Variants in CABCOCO1 observed in about 807,000 individuals in gnomAD.
CABCOCO1 encodes the protein ciliary associated calcium binding coiled-coil 1, also known as ciliary-associated calcium-binding coiled-coil protein 1.
Under a neutral mutation model 35.7 loss-of-function variants are expected in CABCOCO1, and 28 were observed. That is an observed-to-expected ratio of 0.78 (90% CI 0.58 to 1.07). The LOEUF (loss-of-function observed/expected upper bound fraction) is 1.07, where lower values mean the gene tolerates loss of function less well. Among genes scored for constraint, CABCOCO1 ranks in the 50% least tolerant of loss-of-function variants. CABCOCO1 has a pLI of 0.00. For missense variants in CABCOCO1, 326 were observed against 309.2 expected (o/e 1.05, Z -0.41); for synonymous variants, 95 against 100.1 (o/e 0.95, Z 0.30).
chr10:61,747,399 A>G (rs539725305), intron 5 of CABCOCO1, among the ~76,000 whole-genome samples: 2 of 152,320 alleles, frequency 1.3e-5, no homozygotes, highest in East Asian at 1.9e-4. Context: ...CTGTTCTTCA[A>G]AACATACCTT....
At chr10:61,681,336 A>T (rs1589117689) in intron 3 of CABCOCO1, 24 bp downstream of exon 3, 1 of 1,462,920 alleles carries the variant, frequency 6.8e-7, no homozygotes, top group Admixed American at 2.2e-5. Context: ...TTTCCTTTGA[A>T]GTAAAACAAA....
chr10:61,703,871 T>C (rs774277101), intron 5 of CABCOCO1, among the ~76,000 whole-genome samples: 8 of 152,130 alleles, frequency 5.3e-5, no homozygotes, highest in Non-Finnish European at 8.8e-5. Flanking sequence ...ACATAGGGCA[T>C]CACACAGAGA....
Position 61,686,537 on chromosome 10 carries a change from T to C in CABCOCO1, c.479+352T>C, listed in dbSNP as rs570940402. Among the ~76,000 whole-genome samples, 16 of 152,310 alleles carry C rather than the reference T, an allele frequency of 1.1e-4. No individual in the cohort carries two copies. In the South Asian group the frequency reaches 3.1e-3, roughly 30 times the overall value. On this transcript the variant is annotated intron_variant, in intron 4 of 7. Transcript: ENST00000648843. ...AATAGGATGATTCACATTAATCAGCTGCAATTATAATAGACTCTATGTTTT... is the reference window on the plus strand; with the variant it reads ...AATAGGATGATTCACATTAATCAGCCGCAATTATAATAGACTCTATGTTTT...
intron 4 of CABCOCO1, among the ~76,000 whole-genome samples, chr10:61,688,255 C>T (rs1371980124): frequency 6.6e-6 from 1 of 152,094 alleles, no homozygotes; most frequent in Admixed American, 6.6e-5. Flanking sequence ...ACCCAGTTAT[C>T]AAAAGTATAA....
At chr10:61,736,897 T>C (rs1841429017) in intron 5 of CABCOCO1, among the ~76,000 whole-genome samples, 1 of 152,132 alleles carries the variant, frequency 6.6e-6, no homozygotes, top group Non-Finnish European at 1.5e-5. Context: ...TATTGTTTTT[T>C]TGTGGCTGTT....
intron 5 of CABCOCO1, among the ~76,000 whole-genome samples, chr10:61,725,377 A>C (rs893179518): frequency 6.6e-6 from 1 of 152,212 alleles, no homozygotes; most frequent in African/African-American, 2.4e-5. Context: ...CATCAATGAT[A>C]GACTGGATTA....
intron 4 of CABCOCO1, 38 bp downstream of exon 4, chr10:61,686,223 A>G (rs750875641): frequency 7.5e-6 from 11 of 1,462,710 alleles, no homozygotes; most frequent in Non-Finnish European, 1.0e-5. Context: ...TTTTCATTTC[A>G]CATCTTCTGG....
intron 5 of CABCOCO1, among the ~76,000 whole-genome samples, chr10:61,719,878 A>C (rs1840957714): frequency 6.8e-6 from 1 of 147,204 alleles, no homozygotes; most frequent in African/African-American, 2.5e-5. Flanking sequence ...CTGAGATCAC[A>C]CCACTGCACT....
intron 5 of CABCOCO1, among the ~76,000 whole-genome samples, chr10:61,691,560 G>A (rs541045556): frequency 1.3e-5 from 2 of 151,960 alleles, no homozygotes; most frequent in Admixed American, 6.6e-5. Flanking sequence ...TTGTTACATA[G>A]GTATACACAT....
intron 2 of CABCOCO1, among the ~76,000 whole-genome samples, chr10:61,677,874 C>T (rs1432246347): frequency 1.8e-5 from 2 of 108,520 alleles, no homozygotes; most frequent in African/African-American, 7.1e-5. Flanking sequence ...GTTAGATTGT[C>T]TCTGGTTCTC....
intron 3 of CABCOCO1, 42 bp from the exon 4 acceptor site, chr10:61,685,999 C>T: frequency 6.6e-7 from 1 of 1,519,486 alleles, no homozygotes; most frequent in Non-Finnish European, 8.9e-7. Context: ...CTGAAAACAT[C>T]TATCAAAATA....
chr10:61,748,064 A>C (rs1340786764), intron 5 of CABCOCO1, among the ~76,000 whole-genome samples: 1 of 152,182 alleles, frequency 6.6e-6, no homozygotes, highest in Non-Finnish European at 1.5e-5. Flanking sequence ...GCATAGGATG[A>C]ATATGGAAAA....
intron 7 of CABCOCO1, among the ~76,000 whole-genome samples, chr10:61,761,943 C>T (rs976954107): frequency 1.4e-4 from 21 of 152,196 alleles, no homozygotes; most frequent in Non-Finnish European, 2.9e-4. Flanking sequence ...CCAAAGTCCT[C>T]AGCTTAATAA....
intron 5 of CABCOCO1, among the ~76,000 whole-genome samples, chr10:61,723,528 C>T (rs933522269): frequency 6.6e-6 from 1 of 152,068 alleles, no homozygotes; most frequent in Admixed American, 6.5e-5. Flanking sequence ...AGCCAAGCAC[C>T]ACAGGCTAGA....
chr10:61,766,146 C>A lies in CABCOCO1; in HGVS notation c.*133C>A. ...AAAACCAAGCCCCACTTTTTATTTT[C>A]CTAAGTAATTAGAAAAGTATTGGTC... On this transcript the variant is annotated 3_prime_UTR_variant, in exon 8 of 8. Coordinates refer to ENST00000648843, the MANE Select transcript of CABCOCO1 (RefSeq NM_001366906.2). The A allele has an allele frequency of 1.3e-6, 1 of 795,354 alleles. No homozygotes were observed. Among genetic ancestry groups the A allele is most frequent in the Non-Finnish European group, 1.9e-6 (1 of 518,456 alleles). The allele number at this position is 795,354 out of a possible 1,614,324, so 49.3% of individuals were successfully genotyped here.
intron 5 of CABCOCO1, among the ~76,000 whole-genome samples, chr10:61,723,850 C>T (rs16916536): frequency 0.052 from 7,935 of 152,048 alleles, 737 homozygotes; most frequent in African/African-American, 0.18. Flanking sequence ...GGAACACAAC[C>T]GATCATGGCA....
chr10:61,727,819 A>G (rs975622130), intron 5 of CABCOCO1, among the ~76,000 whole-genome samples: 1 of 152,186 alleles, frequency 6.6e-6, no homozygotes, highest in African/African-American at 2.4e-5. Context: ...GAACAATTAG[A>G]TGTTTGAATT....
intron 5 of CABCOCO1, among the ~76,000 whole-genome samples, chr10:61,711,178 C>T (rs182811399): frequency 6.6e-6 from 1 of 151,976 alleles, no homozygotes; most frequent in East Asian, 1.9e-4. Context: ...TTAAACATAA[C>T]ACCCCTTGTG....
At chr10:61,667,655 T>G (rs1039934458) in intron 1 of CABCOCO1, among the ~76,000 whole-genome samples, 13 of 151,898 alleles carry the variant, frequency 8.6e-5, no homozygotes, top group Non-Finnish European at 1.5e-4. Context: ...ATCAAGTTTT[T>G]ACCTTTTCTG....
Sources: gnomAD v4.1 joint callset for allele counts (sites outside exome capture counted in the v4.1 genomes callset) on GRCh38, gnomAD v4.1.1 for gene constraint, MANE v1.5 for transcripts, NCBI Gene and HGNC (gene_info 2026-07-23, HGNC 2026-07-21) for gene names.